Variants in SOX5 observed in about 807,000 individuals in gnomAD.
SOX5 encodes the protein SRY-box transcription factor 5, also known as transcription factor SOX-5.
Under a neutral mutation model 92.0 loss-of-function variants are expected in SOX5, and 9 were observed. That is an observed-to-expected ratio of 0.10 (90% CI 0.06 to 0.17). The LOEUF is 0.17. Ranked by LOEUF, SOX5 falls within the 10% of genes least tolerant of loss-of-function variation. The probability of loss-of-function intolerance (pLI) is 1.00; values close to 1 mark genes in which losing one functional copy is unlikely to be tolerated. For missense variants in SOX5, 642 were observed against 944.5 expected (o/e 0.68, Z 4.20); for synonymous variants, 344 against 336.3 (o/e 1.02, Z -0.25).
At chr12:24,224,763 T>A (rs1961481180) in intron 3 of SOX5, among the ~76,000 whole-genome samples, 3 of 152,238 alleles carry the variant, frequency 2.0e-5, no homozygotes, top group South Asian at 4.1e-4. Context: ...TGTTTCTACT[T>A]CATTATTTTT....
chr12:24,108,385 C>A (rs181740746), intron 4 of SOX5, among the ~76,000 whole-genome samples: 81 of 152,176 alleles, frequency 5.3e-4, no homozygotes, highest in African/African-American at 1.8e-3. Flanking sequence ...AAGAAATGTT[C>A]ATCACTGAAA....
intron 1 of SOX5, among the ~76,000 whole-genome samples, chr12:24,558,283 C>G (rs1954003467): frequency 6.6e-6 from 1 of 152,126 alleles, no homozygotes; most frequent in Non-Finnish European, 1.5e-5. Flanking sequence ...AGGGCCCATC[C>G]TGAAGGTCAG....
intron 4 of SOX5, among the ~76,000 whole-genome samples, chr12:23,978,311 G>T (rs1949147090): frequency 6.6e-6 from 1 of 152,162 alleles, no homozygotes; most frequent in Non-Finnish European, 1.5e-5. Context: ...TCTAAATGTA[G>T]CCAATATTAA....
intron 1 of SOX5, among the ~76,000 whole-genome samples, chr12:23,922,985 A>G (rs993912596): frequency 4.7e-5 from 7 of 149,042 alleles, no homozygotes; most frequent in Non-Finnish European, 8.9e-5. Flanking sequence ...TCACTGTGTC[A>G]CCCAGGCTGG....
At chr12:24,404,889 G>A (rs144500327) in intron 1 of SOX5, among the ~76,000 whole-genome samples, 2,231 of 152,208 alleles carry the variant, frequency 0.015, 32 homozygotes, top group Non-Finnish European at 0.022. Flanking sequence ...GGTCATTCTT[G>A]TGGGCCTTAA....
rs1249282708 is a variant in SOX5, at chr12:23,844,970, A to G, written c.481+1013T>C. Among the ~76,000 whole-genome samples the G allele has an allele frequency of 2.0e-5, 3 of 152,224 alleles. No homozygotes were observed. The East Asian group carries it at 5.8e-4, about 29-fold the overall frequency. On this transcript the variant is annotated intron_variant, in intron 3 of 14. Coordinates refer to ENST00000451604, the MANE Select transcript of SOX5 (RefSeq NM_006940.6). ...CCAATTCTCAGATCATGAGAACTGCATAAATTTTAACCAAAATCCAGGTCC... is the reference window on the plus strand; with the variant it reads ...CCAATTCTCAGATCATGAGAACTGCGTAAATTTTAACCAAAATCCAGGTCC...
intron 7 of SOX5, among the ~76,000 whole-genome samples, chr12:23,650,467 C>T (rs899542241): frequency 6.6e-6 from 1 of 152,074 alleles, no homozygotes; most frequent in African/African-American, 2.4e-5. Flanking sequence ...CTCTCATTTC[C>T]AGGTAGAGGA....
chr12:23,765,533 C>T (rs2094698488), intron 3 of SOX5, among the ~76,000 whole-genome samples: 1 of 151,060 alleles, frequency 6.6e-6, no homozygotes, highest in Admixed American at 6.6e-5. Flanking sequence ...AAGAGAAAAG[C>T]AGAGTATGGA....
intron 1 of SOX5, among the ~76,000 whole-genome samples, chr12:24,439,758 G>A (rs1312236294): frequency 6.6e-6 from 1 of 152,066 alleles, no homozygotes; most frequent in East Asian, 1.9e-4. Flanking sequence ...GGTCGGGCAT[G>A]GTGGCGGGCG....
intron 4 of SOX5, among the ~76,000 whole-genome samples, chr12:24,093,012 T>TAAAAAATCATGAGCTAAATA (rs1461800827): frequency 9.9e-5 from 15 of 152,074 alleles, no homozygotes; most frequent in African/African-American, 2.4e-4. Context: ...CATCTCATCT[T>TAAAAAATCATGAGCTAAATA]AAAAAATCAT....
At chr12:23,551,313 T>C (rs954623195) in intron 11 of SOX5, among the ~76,000 whole-genome samples, 3 of 151,914 alleles carry the variant, frequency 2.0e-5, no homozygotes, top group Non-Finnish European at 4.4e-5. Context: ...CAGTTGGAGA[T>C]TTTTTTCATC....
At chr12:24,195,303 G>A (rs1412389074) in intron 4 of SOX5, among the ~76,000 whole-genome samples, 3 of 151,960 alleles carry the variant, frequency 2.0e-5, no homozygotes, top group Non-Finnish European at 4.4e-5. Flanking sequence ...TTTAAATTCA[G>A]TCTATTTTCT....
intron 1 of SOX5, among the ~76,000 whole-genome samples, chr12:24,450,649 C>T (rs1306592532): frequency 6.6e-6 from 1 of 152,042 alleles, no homozygotes; most frequent in Non-Finnish European, 1.5e-5. Context: ...CATGCACCAC[C>T]ACACCTGGCT....
intron 2 of SOX5, among the ~76,000 whole-genome samples, chr12:23,848,395 C>T (rs1255689618): frequency 6.6e-6 from 1 of 152,130 alleles, no homozygotes; most frequent in African/African-American, 2.4e-5. Context: ...AACTCAGTTG[C>T]TGCAGCAGTA....
chr12:23,537,325 C>G (rs1162791225), intron 13 of SOX5, among the ~76,000 whole-genome samples: 4 of 152,172 alleles, frequency 2.6e-5, no homozygotes, highest in Non-Finnish European at 5.9e-5. Context: ...GACAGCATTT[C>G]TATCTATTTT....
intron 4 of SOX5, among the ~76,000 whole-genome samples, chr12:24,175,633 A>G (rs1193898515): frequency 6.6e-6 from 1 of 152,228 alleles, no homozygotes; most frequent in Non-Finnish European, 1.5e-5. Context: ...ATGTGTGTGT[A>G]TATCTGTAGA....
intron 2 of SOX5, among the ~76,000 whole-genome samples, chr12:24,306,620 G>A (rs1411950545): frequency 6.6e-6 from 1 of 152,140 alleles, no homozygotes; most frequent in Admixed American, 6.5e-5. Flanking sequence ...AAGAATGCTG[G>A]GAGAGGCAAC....
intron 2 of SOX5, among the ~76,000 whole-genome samples, chr12:24,301,286 C>T (rs1437248676): frequency 2.0e-5 from 3 of 152,140 alleles, no homozygotes; most frequent in Non-Finnish European, 4.4e-5. Flanking sequence ...CCATGACAGC[C>T]GTCTCAAAAA....
intron 2 of SOX5, among the ~76,000 whole-genome samples, chr12:23,886,759 G>A (rs929002614): frequency 1.3e-5 from 2 of 152,130 alleles, no homozygotes; most frequent in East Asian, 3.9e-4. Context: ...AAGACAAAAA[G>A]ATTTTAGTTA....
Sources: gnomAD v4.1 joint callset for allele counts (sites outside exome capture counted in the v4.1 genomes callset) on GRCh38, gnomAD v4.1.1 for gene constraint, MANE v1.5 for transcripts, NCBI Gene and HGNC (gene_info 2026-07-23, HGNC 2026-07-21) for gene names.